DDX21: variants seen among roughly 807,000 people sequenced by gnomAD.
DDX21 encodes the protein DExD-box helicase 21.
DDX21 carries 18 observed loss-of-function variants against 90.0 expected under a neutral mutation model. The ratio of observed to expected loss-of-function variants is 0.20; its 90% CI spans 0.14 to 0.30. The LOEUF (loss-of-function observed/expected upper bound fraction) is 0.30. Among genes scored for constraint, DDX21 ranks in the 10% least tolerant of loss-of-function variants. The probability of loss-of-function intolerance (pLI) is 1.00; values close to 1 mark genes in which losing one functional copy is unlikely to be tolerated. For missense variants in DDX21, 673 were observed against 944.5 expected (o/e 0.71, Z 3.77); for synonymous variants, 294 against 318.0 (o/e 0.92, Z 0.80).
intron 1 of DDX21, among the ~76,000 whole-genome samples, chr10:68,957,514 C>T (rs549210616): frequency 6.6e-6 from 1 of 152,270 alleles, no homozygotes; most frequent in Admixed American, 6.5e-5. Context: ...GGAGTTCTTA[C>T]AATAGCAATA....
intron 4 of DDX21, chr10:68,964,223 C>T (rs1480229783): frequency 3.1e-6 from 1 of 317,846 alleles, no homozygotes; most frequent in East Asian, 1.0e-4. Context: ...TGACATTTAA[C>T]AAACATTAAC....
intron 1 of DDX21, among the ~76,000 whole-genome samples, chr10:68,957,323 A>G (rs1189336462): frequency 6.6e-6 from 1 of 151,652 alleles, no homozygotes; most frequent in Non-Finnish European, 1.5e-5. Flanking sequence ...ATAGGCCAGC[A>G]GTGTGCAGTA....
At chr10:68,956,518 C>T (rs774156390) in intron 1 of DDX21, 17 of 1,421,910 alleles carry the variant, frequency 1.2e-5, no homozygotes, top group East Asian at 1.1e-4. Flanking sequence ...GAGCCAGGTC[C>T]GCCGTGCGCT....
intron 13 of DDX21, 140 bp downstream of exon 13, chr10:68,979,116 C>T: frequency 8.1e-7 from 1 of 1,227,240 alleles, no homozygotes; most frequent in Non-Finnish European, 1.1e-6. Flanking sequence ...ATCCGTGATC[C>T]TCAGATGCCA....
chr10:68,962,217 A>G, intron 3 of DDX21, 60 bp downstream of exon 3: 11 of 1,311,162 alleles, frequency 8.4e-6, no homozygotes, highest in Non-Finnish European at 1.2e-5. Context: ...GAAGCACTCC[A>G]CTATTTTTGT....
intron 12 of DDX21, 64 bp from the exon 13 acceptor site, chr10:68,978,778 A>C: frequency 6.5e-7 from 1 of 1,545,624 alleles, no homozygotes; most frequent in Non-Finnish European, 8.8e-7. Context: ...TCACAAAAGC[A>C]GGTATTTATC....
intron 2 of DDX21, 95 bp from the exon 3 acceptor site, chr10:68,961,987 C>A: frequency 1.0e-6 from 1 of 1,000,470 alleles, no homozygotes; most frequent in Non-Finnish European, 1.5e-6. Flanking sequence ...AGAAGAATTG[C>A]TTTAGGATAG....
chr10:68,983,028 T>C lies in DDX21; in HGVS notation c.*216T>C, dbSNP rs1843217772. ...TGTTACTTCTTCATCAGTTTTTCCT[T>C]TTGAAAGGTGTATGAATTCATTACA... On this transcript the variant is annotated 3_prime_UTR_variant, in exon 15 of 15. Coordinates refer to ENST00000354185, the MANE Select transcript of DDX21 (RefSeq NM_004728.4). 3.1e-6 allele frequency: 2 copies of C among 646,914 alleles called. No homozygotes were observed. The highest frequency in any genetic ancestry group is 5.2e-6 in the Non-Finnish European group (2 of 387,254). 40.1% of individuals were successfully genotyped at this position (646,914 alleles called of 1,614,324 possible).
chr10:68,956,517 C>G, intron 1 of DDX21: 1 of 1,422,986 alleles, frequency 7.0e-7, no homozygotes, highest in Non-Finnish European at 9.2e-7. Flanking sequence ...CGAGCCAGGT[C>G]CGCCGTGCGC....
At chr10:68,981,723 C>T (rs1843194507) in intron 14 of DDX21, 142 bp downstream of exon 14, 3 of 757,040 alleles carry the variant, frequency 4.0e-6, no homozygotes, top group Non-Finnish European at 4.2e-6. Context: ...TGGAATATTC[C>T]CCCCTAACTT....
intron 11 of DDX21, 96 bp downstream of exon 11, chr10:68,974,839 T>A: frequency 1.0e-6 from 1 of 984,934 alleles, no homozygotes; most frequent in Non-Finnish European, 1.5e-6. Flanking sequence ...AAAATTTTTT[T>A]TTTAAAATTT....
At chr10:68,959,176 C>T (rs1348111343) in intron 1 of DDX21, among the ~76,000 whole-genome samples, 1 of 152,080 alleles carries the variant, frequency 6.6e-6, no homozygotes, top group Non-Finnish European at 1.5e-5. Flanking sequence ...TGGAGTATCC[C>T]ATGAGCTTAT....
chr10:68,972,104 AAACAAATTGGAAATTGTATTATTTACT>A, intron 9 of DDX21, 52 bp downstream of exon 9: 1 of 1,562,326 alleles, frequency 6.4e-7, no homozygotes, highest in Non-Finnish European at 8.7e-7. Flanking sequence ...TTGGGTATTA[AAACAAATTGGAAATTGTATTATTTACT>A]TTCATGTCAT....
intron 8 of DDX21, among the ~76,000 whole-genome samples, chr10:68,970,592 C>T (rs943570710): frequency 3.3e-5 from 5 of 151,628 alleles, no homozygotes; most frequent in African/African-American, 1.2e-4. Flanking sequence ...GTGATTCTCC[C>T]ACCTCAGTCT....
At chr10:68,960,365 T>G in intron 2 of DDX21, 116 bp downstream of exon 2, 2 of 1,095,964 alleles carry the variant, frequency 1.8e-6, no homozygotes, top group Non-Finnish European at 2.5e-6. Flanking sequence ...TGTCAGCACC[T>G]TGTGGGTTGG....
chr10:68,961,092 C>T (rs774123342), intron 2 of DDX21, among the ~76,000 whole-genome samples: 22 of 152,094 alleles, frequency 1.4e-4, no homozygotes, highest in Non-Finnish European at 1.0e-4. Flanking sequence ...GAAAGAAATA[C>T]GAATTGTATT....
intron 1 of DDX21, among the ~76,000 whole-genome samples, chr10:68,958,540 A>C (rs989647654): frequency 1.3e-5 from 2 of 151,844 alleles, no homozygotes; most frequent in Admixed American, 6.6e-5. Context: ...GGGTTCAAGC[A>C]GTTCTCCTGC....
At chr10:68,959,708 A>G in intron 1 of DDX21, 98 bp from the exon 2 acceptor site, 1 of 938,704 alleles carries the variant, frequency 1.1e-6, no homozygotes, top group Non-Finnish European at 1.5e-6. Flanking sequence ...TATTTTTTAA[A>G]GTTGAAAATG....
intron 1 of DDX21, among the ~76,000 whole-genome samples, chr10:68,957,658 A>T (rs1047779474): frequency 6.6e-5 from 10 of 152,218 alleles, no homozygotes; most frequent in African/African-American, 2.4e-4. Flanking sequence ...AAACTCTGTT[A>T]TATTCCAAAA....
Sources: allele counts gnomAD v4.1 joint callset (sites outside exome capture counted in the v4.1 genomes callset), GRCh38; gene constraint gnomAD v4.1.1; transcripts MANE v1.5; gene names NCBI Gene and HGNC (gene_info 2026-07-23, HGNC 2026-07-21).